ALK: variants seen among roughly 807,000 people sequenced by gnomAD.
ALK encodes ALK receptor tyrosine kinase, also known as ALK tyrosine kinase receptor.
Under a neutral mutation model 163.1 loss-of-function variants are expected in ALK, and 74 were observed. The observed-to-expected ratio is 0.45, with a 90% CI of 0.38 to 0.55. The LOEUF (loss-of-function observed/expected upper bound fraction) is 0.55, where lower values mean the gene tolerates loss of function less well. ALK is among the 20% of genes least tolerant of loss of function. The pLI, the probability that ALK is intolerant of heterozygous loss-of-function variation, is 0.00. For missense variants in ALK, 2,063 were observed against 2,105.3 expected, an observed-to-expected ratio of 0.98 and a Z score of 0.39; for synonymous variants, 960 against 843.2, an observed-to-expected ratio of 1.14 and a Z score of -2.40.
intron 3 of ALK, among the ~76,000 whole-genome samples, chr2:29,680,508 C>A (rs1678031896): frequency 6.6e-6 from 1 of 151,982 alleles, no homozygotes; most frequent in African/African-American, 2.4e-5. Context: ...ACTTTCCAAC[C>A]CAAGATTTTC....
intron 13 of ALK, among the ~76,000 whole-genome samples, chr2:29,236,505 A>G (rs1454044726): frequency 6.6e-6 from 1 of 152,182 alleles, no homozygotes; most frequent in Non-Finnish European, 1.5e-5. Flanking sequence ...CTTGGGATAT[A>G]TTGGTGAACA....
chr2:29,280,551 G>A (rs1000737709), intron 9 of ALK, among the ~76,000 whole-genome samples: 3 of 149,550 alleles, frequency 2.0e-5, no homozygotes, highest in African/African-American at 5.0e-5. Flanking sequence ...CTGAGGGGAG[G>A]TTGTGGTATA....
chr2:29,426,647 C>CCA (rs1288858605), intron 4 of ALK, among the ~76,000 whole-genome samples: 1 of 151,976 alleles, frequency 6.6e-6, no homozygotes, highest in Non-Finnish European at 1.5e-5. Flanking sequence ...CACCCCCTAC[C>CCA]CACACACACA....
In ALK at chr2:29,537,416, G is replaced by C. The variant is rs1673288828; in HGVS notation, c.953-5300C>G. Among the ~76,000 whole-genome samples the C allele has an allele frequency of 2.6e-5, 4 of 152,214 alleles. No homozygotes were observed. In the South Asian group the frequency reaches 8.3e-4, roughly 32 times the overall value. On this transcript the variant is annotated intron_variant, in intron 3 of 28. Coordinates refer to ENST00000389048, the MANE Select transcript of ALK (RefSeq NM_004304.5). ...TCAAAAGGGCCCAGGTACGGCTCCA[G>C]ACACCACTTTGGATAACATAAGCCA...
At position 29,668,829 on chromosome 2, in the gene ALK, A is replaced by G. The variant is rs184435033; in HGVS notation, c.952+26021T>C. ...TTCACATGGCTGCGGAGACCTCACA[A>G]TCATGGTGGAAGGCAAAGGAAGAGC... is the stretch of plus-strand genomic sequence containing the variant. On this transcript the variant is annotated intron_variant, in intron 3 of 28. Coordinates refer to ENST00000389048, the MANE Select transcript of ALK (RefSeq NM_004304.5). Among the ~76,000 whole-genome samples the G allele has an allele frequency of 9.3e-4, 142 of 152,218 alleles. 1 individual carries two copies. The highest frequency in any genetic ancestry group is 3.1e-3 in the African/African-American group (129 of 41,552).
chr2:29,712,630 G>A (rs770900887), intron 2 of ALK, among the ~76,000 whole-genome samples: 5 of 149,198 alleles, frequency 3.4e-5, no homozygotes, highest in Non-Finnish European at 7.4e-5. Context: ...TTTTTTTTTT[G>A]AGAGAGAGAT....
intron 4 of ALK, among the ~76,000 whole-genome samples, chr2:29,511,205 C>G (rs1188156752): frequency 6.6e-6 from 1 of 152,120 alleles, no homozygotes; most frequent in Middle Eastern, 3.2e-3. Context: ...TGAGAAACCA[C>G]AACTACATTC....
chr2:29,488,245 T>C (rs1240709809), intron 4 of ALK, among the ~76,000 whole-genome samples: 1 of 152,200 alleles, frequency 6.6e-6, no homozygotes, highest in Non-Finnish European at 1.5e-5. Context: ...AACTGACAAG[T>C]TCCTACTATT....
At chr2:29,288,150 C>T (rs1665909217) in intron 9 of ALK, among the ~76,000 whole-genome samples, 1 of 152,198 alleles carries the variant, frequency 6.6e-6, no homozygotes, top group South Asian at 2.1e-4. Context: ...CTGCAGCACA[C>T]TCCTGCACTA....
intron 4 of ALK, among the ~76,000 whole-genome samples, chr2:29,429,973 T>C (rs1468075868): frequency 6.6e-6 from 1 of 152,026 alleles, no homozygotes; most frequent in Admixed American, 6.6e-5. Flanking sequence ...GAATAGTCTA[T>C]AAAAAAATTT....
At chr2:29,419,495 G>A (rs1669965562) in intron 4 of ALK, among the ~76,000 whole-genome samples, 1 of 151,438 alleles carries the variant, frequency 6.6e-6, no homozygotes, top group South Asian at 2.1e-4. Context: ...GGAGGAACAA[G>A]CATATAGAAA....
At chr2:29,732,211 CA>C (rs1679764467) in intron 1 of ALK, among the ~76,000 whole-genome samples, 1 of 152,168 alleles carries the variant, frequency 6.6e-6, no homozygotes, top group South Asian at 2.1e-4. Flanking sequence ...AGCAAAATGA[CA>C]ATTTATTACA....
At chr2:29,643,262 C>T (rs1401801205) in intron 3 of ALK, among the ~76,000 whole-genome samples, 3 of 151,998 alleles carry the variant, frequency 2.0e-5, no homozygotes, top group Non-Finnish European at 1.5e-5. Context: ...AAGCAAGATA[C>T]ATCACCAGGA....
rs73921144 is a variant in ALK at position 29,661,482 on chromosome 2, A to C, written c.952+33368T>G. Among the ~76,000 whole-genome samples the C allele has an allele frequency of 4.2e-3, 645 of 152,342 alleles. 4 individuals are homozygous for C. Among genetic ancestry groups the C allele is most frequent in the African/African-American group, 0.014 (584 of 41,584 alleles). On this transcript the variant is annotated intron_variant, in intron 3 of 28. Transcript: ENST00000389048. ...ATTCGGATAAGAATAGTTTATGTCA[A>C]TGTTGAGAGGACACGTAAGTGTGCA...
chr2:29,883,181 G>T (rs1184882472), intron 1 of ALK, among the ~76,000 whole-genome samples: 2 of 151,968 alleles, frequency 1.3e-5, no homozygotes, highest in African/African-American at 4.8e-5. Flanking sequence ...GAAAAGAAAA[G>T]AAAAGAAGTA....
At chr2:29,799,909 C>A (rs1475015861) in intron 1 of ALK, among the ~76,000 whole-genome samples, 1 of 152,218 alleles carries the variant, frequency 6.6e-6, no homozygotes, top group African/African-American at 2.4e-5. Context: ...GAGCCAGCAT[C>A]CTTGCATTCA....
intron 1 of ALK, among the ~76,000 whole-genome samples, chr2:29,894,086 G>A (rs1369419229): frequency 2.0e-5 from 3 of 152,172 alleles, no homozygotes; most frequent in Non-Finnish European, 2.9e-5. Flanking sequence ...AAACTTTCAA[G>A]TTGAAAGGGG....
intron 3 of ALK, among the ~76,000 whole-genome samples, chr2:29,640,345 G>T (rs75282975): frequency 6.6e-6 from 1 of 152,160 alleles, no homozygotes; most frequent in Non-Finnish European, 1.5e-5. Flanking sequence ...GTTTGGCACC[G>T]GTCCCATGGC....
At chr2:29,528,073 C>T (rs565722223) in intron 4 of ALK, among the ~76,000 whole-genome samples, 5 of 152,312 alleles carry the variant, frequency 3.3e-5, no homozygotes, top group East Asian at 1.9e-4. Context: ...GTTTCCTCAA[C>T]GACTTCCGGT....
Sources: gnomAD v4.1 joint callset for allele counts (sites outside exome capture counted in the v4.1 genomes callset) on GRCh38, gnomAD v4.1.1 for gene constraint, MANE v1.5 for transcripts, NCBI Gene and HGNC (gene_info 2026-07-23, HGNC 2026-07-21) for gene names.